Variants in NEBL observed in about 807,000 individuals in gnomAD.
The protein encoded by NEBL is LIM and SH3 protein 2.
Under a neutral mutation model 140.2 loss-of-function variants are expected in NEBL, and 122 were observed. That is an observed-to-expected ratio of 0.87 (90% CI 0.75 to 1.01). The LOEUF is 1.01. Ranked by LOEUF, NEBL falls within the 50% of genes least tolerant of loss-of-function variation. NEBL has a pLI of 0.00. For missense variants in NEBL, 1,365 were observed against 1,231.3 expected (o/e 1.11, Z -1.62); for synonymous variants, 436 against 398.9 (o/e 1.09, Z -1.11).
chr10:21,134,987 A>G (rs1839284974), intron 2 of NEBL, among the ~76,000 whole-genome samples: 1 of 152,174 alleles, frequency 6.6e-6, no homozygotes, highest in Non-Finnish European at 1.5e-5. Context: ...CAGACATGGG[A>G]TTATTCAGCT....
At chr10:21,100,334 C>T (rs1000443264) in intron 2 of NEBL, among the ~76,000 whole-genome samples, 10 of 152,172 alleles carry the variant, frequency 6.6e-5, no homozygotes, top group Non-Finnish European at 1.3e-4. Flanking sequence ...TTTCTTTATT[C>T]CCTCTCGCCA....
chr10:21,059,000 G>T (rs1835161130), intron 2 of NEBL, among the ~76,000 whole-genome samples: 1 of 152,158 alleles, frequency 6.6e-6, no homozygotes, highest in African/African-American at 2.4e-5. Flanking sequence ...AAACAGATGG[G>T]TATAAAAGTA....
intron 4 of NEBL, among the ~76,000 whole-genome samples, chr10:20,949,891 T>G (rs958174253): frequency 3.9e-5 from 6 of 152,202 alleles, no homozygotes; most frequent in Admixed American, 1.3e-4. Context: ...TGGACAAACT[T>G]AAAAATAAGA....
intron 4 of NEBL, among the ~76,000 whole-genome samples, chr10:20,955,090 C>T (rs545258000): frequency 3.3e-5 from 5 of 152,264 alleles, no homozygotes; most frequent in African/African-American, 1.2e-4. Flanking sequence ...AGGAGAATAG[C>T]CCAAGTCAAG....
intron 19 of NEBL, among the ~76,000 whole-genome samples, chr10:20,820,826 A>G (rs1285996770): frequency 6.6e-6 from 1 of 152,200 alleles, no homozygotes; most frequent in African/African-American, 2.4e-5. Context: ...CTCTATCTCA[A>G]AAAACAAAAC....
At chr10:20,939,667 C>A (rs4950457) in intron 4 of NEBL, among the ~76,000 whole-genome samples, 108,479 of 151,638 alleles carry the variant, frequency 0.72, 38,913 homozygotes, top group Admixed American at 0.8. Context: ...AAGACCCATC[C>A]GTGTGCTGTA....
In NEBL at chr10:20,782,042, T is replaced by A. The variant is rs1303617768; in HGVS notation, c.*3705A>T. 1.2e-4 allele frequency: 18 copies of A among 152,588 alleles called. No homozygotes were observed. 9.5% of individuals were successfully genotyped at this position (152,588 alleles called of 1,614,324 possible). ...CCCAAATCTAAAGTTAATGTTTATA[T>A]AGCTCAACTCTATATAAATCCACAA... On this transcript the variant is annotated 3_prime_UTR_variant, in exon 28 of 28. Transcript: ENST00000377122.
chr10:21,165,012 A>C (rs898366316), intron 2 of NEBL, among the ~76,000 whole-genome samples: 2 of 152,236 alleles, frequency 1.3e-5, no homozygotes, highest in African/African-American at 4.8e-5. Context: ...CACTTTTAAC[A>C]ATGTGACCTT....
chr10:21,263,673 C>T (rs374679201), intron 1 of NEBL, among the ~76,000 whole-genome samples: 3 of 152,118 alleles, frequency 2.0e-5, no homozygotes, highest in African/African-American at 4.8e-5. Context: ...TAAGCAAAAG[C>T]GGTTAAACTG....
chr10:21,208,210 G>A (rs7916026), intron 3 of NEBL, among the ~76,000 whole-genome samples: 4,183 of 152,290 alleles, frequency 0.027, 89 homozygotes, highest in Non-Finnish European at 0.031. Context: ...TCAGGACATA[G>A]AAATTGCATT....
At position 21,173,927 on chromosome 10, in the gene NEBL, G is replaced by C; in HGVS notation, c.-94C>G. On this transcript the variant is annotated 5_prime_UTR_variant, in exon 1 of 7. Transcript: ENST00000417816. This position sits in a 1 kb window ranked among gnomAD's most constrained non-coding sequence, Gnocchi z 5.7. ...GCGAGCCCCGCACCGCCTCCTGGCA[G>C]GCGGGAGGGCTGCGGGCGGCGGGCG... is the stretch of plus-strand genomic sequence containing the variant. The C allele has an allele frequency of 2.1e-6, 3 of 1,451,830 alleles. No homozygotes were observed. Among genetic ancestry groups the C allele is most frequent in the Non-Finnish European group, 1.8e-6 (2 of 1,113,552 alleles). The allele number at this position is 1,451,830 out of a possible 1,614,324, so 89.9% of individuals were successfully genotyped here. A position where few individuals can be genotyped will look rare whatever the true frequency, so the allele number is the denominator to read the frequency against.
intron 2 of NEBL, among the ~76,000 whole-genome samples, chr10:21,125,340 A>G (rs528796223): frequency 1.8e-4 from 28 of 152,252 alleles, no homozygotes; most frequent in African/African-American, 6.7e-4. Flanking sequence ...GCTCCTTTTT[A>G]CATCATAAGA....
At chr10:21,169,115 T>C (rs375223951) in intron 2 of NEBL, among the ~76,000 whole-genome samples, 1 of 126,964 alleles carries the variant, frequency 7.9e-6, no homozygotes, top group East Asian at 2.3e-4. Flanking sequence ...TATTTGGACA[T>C]ATAATTAGAT....
intron 2 of NEBL, chr10:21,112,971 A>T (rs1176423095): frequency 1.2e-5 from 4 of 325,104 alleles, no homozygotes; most frequent in Admixed American, 1.2e-4. Context: ...TGCCCCTGGA[A>T]GTGGTAACAA....
At chr10:21,137,564 C>G (rs1839411472) in intron 2 of NEBL, among the ~76,000 whole-genome samples, 1 of 152,156 alleles carries the variant, frequency 6.6e-6, no homozygotes. Flanking sequence ...TCTTTGAAAT[C>G]CACTCAAGGT....
At chr10:21,090,032 G>T (rs1444347063) in intron 2 of NEBL, among the ~76,000 whole-genome samples, 2 of 152,090 alleles carry the variant, frequency 1.3e-5, no homozygotes, top group African/African-American at 4.8e-5. Context: ...CCAAGTCCCA[G>T]CTGTCCCATT....
intron 3 of NEBL, among the ~76,000 whole-genome samples, chr10:21,201,386 C>T (rs1410919215): frequency 2.0e-5 from 3 of 152,086 alleles, no homozygotes; most frequent in Non-Finnish European, 4.4e-5. Context: ...AAAAGCCTAA[C>T]ATAAAAAGAA....
chr10:21,211,177 A>T (rs1377865430), intron 3 of NEBL, among the ~76,000 whole-genome samples: 2 of 152,136 alleles, frequency 1.3e-5, no homozygotes, highest in African/African-American at 4.8e-5. Flanking sequence ...CTGGCATGAA[A>T]ACAATCAAAA....
chr10:21,168,528 T>C (rs1034878731), intron 2 of NEBL, among the ~76,000 whole-genome samples: 1 of 152,200 alleles, frequency 6.6e-6, no homozygotes, highest in Non-Finnish European at 1.5e-5. Flanking sequence ...GATTGGATCC[T>C]GGCTTTTAAA....
Sources: gnomAD v4.1 joint callset for allele counts (sites outside exome capture counted in the v4.1 genomes callset) on GRCh38, gnomAD v4.1.1 for gene constraint, Gnocchi (gnomAD v3.1) non-coding constraint, MANE v1.5 for transcripts, NCBI Gene and HGNC (gene_info 2026-07-23, HGNC 2026-07-21) for gene names.